Variants in MRRF observed in about 807,000 individuals in gnomAD.
The protein encoded by MRRF is mitochondrial ribosome recycling factor.
Under a neutral mutation model 25.1 loss-of-function variants are expected in MRRF, and 18 were observed. The observed-to-expected ratio is 0.72, with a 90% CI of 0.50 to 1.06. The LOEUF (loss-of-function observed/expected upper bound fraction) is 1.06. Ranked by LOEUF, MRRF falls within the 50% of genes least tolerant of loss-of-function variation. MRRF has a pLI of 0.00. For synonymous variants in MRRF, 113 were observed against 112.1 expected, an observed-to-expected ratio of 1.01 and a Z score of -0.05; for missense variants, 323 against 319.3, an observed-to-expected ratio of 1.01 and a Z score of -0.09.
chr9:122,271,373 T>C (rs1832447781), intron 2 of MRRF, among the ~76,000 whole-genome samples: 1 of 152,252 alleles, frequency 6.6e-6, no homozygotes, highest in African/African-American at 2.4e-5. Context: ...CAAGCCAGAA[T>C]GCTTGTAGCA....
At chr9:122,281,316 A>G (rs1345288156) in intron 3 of MRRF, among the ~76,000 whole-genome samples, 1 of 152,206 alleles carries the variant, frequency 6.6e-6, no homozygotes, top group Admixed American at 6.5e-5. Context: ...TCATCATCCT[A>G]AAGTCAAACC....
chr9:122,285,914 T>G, intron 4 of MRRF: 1 of 1,298,516 alleles, frequency 7.7e-7, no homozygotes, highest in Non-Finnish European at 1.0e-6. Context: ...TTGCAGAATA[T>G]TGCATGGAGC....
intron 5 of MRRF, among the ~76,000 whole-genome samples, chr9:122,293,812 T>C (rs1328325797): frequency 2.0e-5 from 3 of 152,152 alleles, no homozygotes; most frequent in Non-Finnish European, 4.4e-5. Flanking sequence ...CTCTTGTTTG[T>C]ATTGCCTCCA....
At chr9:122,266,629 A>C (rs1289533395) in intron 1 of MRRF, among the ~76,000 whole-genome samples, 1 of 152,238 alleles carries the variant, frequency 6.6e-6, no homozygotes, top group Non-Finnish European at 1.5e-5. Context: ...AGAAGTGCTT[A>C]TGTTATAAGC....
At chr9:122,318,844 T>A (rs1835696310) in intron 6 of MRRF, among the ~76,000 whole-genome samples, 1 of 152,200 alleles carries the variant, frequency 6.6e-6, no homozygotes, top group Admixed American at 6.5e-5. Context: ...TCTTCATCCA[T>A]AAAGTGGGAG....
At chr9:122,287,944 T>C (rs1833513364) in intron 4 of MRRF, among the ~76,000 whole-genome samples, 1 of 152,250 alleles carries the variant, frequency 6.6e-6, no homozygotes, top group South Asian at 2.1e-4. Context: ...AGCTTTAAAA[T>C]GCTGAGCTAA....
In MRRF at chr9:122,323,372, G is replaced by A. The variant is rs1387394685; in HGVS notation, c.*755G>A. On this transcript the variant is annotated 3_prime_UTR_variant, in exon 7 of 7. Coordinates refer to ENST00000344641, the MANE Select transcript of MRRF (RefSeq NM_138777.5). ...TATTCTTGTTGCACTTAATTAGCCT[G>A]TATATCCTCAGAACTTTGTGTAATG... 1.3e-5 allele frequency: 2 copies of A among 152,750 alleles called. No homozygotes were observed. The highest frequency in any genetic ancestry group is 3.4e-3 in the Middle Eastern group (1 of 294). 9.5% of individuals were successfully genotyped at this position (152,750 alleles called of 1,614,324 possible).
At chr9:122,300,929 A>T (rs1013550246) in intron 5 of MRRF, among the ~76,000 whole-genome samples, 1 of 152,206 alleles carries the variant, frequency 6.6e-6, no homozygotes, top group Non-Finnish European at 1.5e-5. Flanking sequence ...TGGCATGAGA[A>T]TTTCTTTACG....
At chr9:122,281,286 A>C (rs1833079564) in intron 3 of MRRF, among the ~76,000 whole-genome samples, 1 of 152,198 alleles carries the variant, frequency 6.6e-6, no homozygotes, top group African/African-American at 2.4e-5. Flanking sequence ...GTTGCTGTTA[A>C]ATTAGGCTTT....
intron 4 of MRRF, among the ~76,000 whole-genome samples, 165 bp from the exon 5 acceptor site, chr9:122,291,584 C>G (rs934177082): frequency 6.6e-6 from 1 of 152,130 alleles, no homozygotes; most frequent in African/African-American, 2.4e-5. Context: ...GTTTGCTATT[C>G]AGCTTGATCA....
chr9:122,293,148 T>C (rs1413756751), intron 5 of MRRF, among the ~76,000 whole-genome samples: 1 of 152,108 alleles, frequency 6.6e-6, no homozygotes, highest in African/African-American at 2.4e-5. Flanking sequence ...GGGGCTTTTA[T>C]TATGGATAGG....
chr9:122,300,107 G>A (rs1034687134), intron 5 of MRRF, among the ~76,000 whole-genome samples: 1 of 152,220 alleles, frequency 6.6e-6, no homozygotes, highest in Non-Finnish European at 1.5e-5. Flanking sequence ...ACACTGCAGT[G>A]CAGCCAGGCT....
chr9:122,310,192 A>G (rs1016797293), intron 5 of MRRF, among the ~76,000 whole-genome samples: 1 of 152,210 alleles, frequency 6.6e-6, no homozygotes, highest in Non-Finnish European at 1.5e-5. Context: ...AATAACTTGC[A>G]TAGGGTCACT....
At chr9:122,283,186 C>T (rs773039929) in intron 3 of MRRF, among the ~76,000 whole-genome samples, 4 of 151,466 alleles carry the variant, frequency 2.6e-5, no homozygotes, top group East Asian at 1.9e-4. Flanking sequence ...CTCCTTCTCC[C>T]GGGTTCAAGC....
chr9:122,286,387 C>G (rs771424709), intron 4 of MRRF, among the ~76,000 whole-genome samples: 49 of 152,298 alleles, frequency 3.2e-4, no homozygotes, highest in Middle Eastern at 6.8e-3. Flanking sequence ...ATTCTCCATA[C>G]TATAACCAGA....
chr9:122,289,339 A>G (rs569587116), intron 4 of MRRF, among the ~76,000 whole-genome samples: 13 of 152,314 alleles, frequency 8.5e-5, no homozygotes, highest in African/African-American at 2.4e-4. Flanking sequence ...CTGGCACTCT[A>G]ACTTGTACTG....
Position 122,304,707 on chromosome 9 carries a change from C to T in MRRF, c.552-8520C>T, listed in dbSNP as rs746515635. ...CTTCTTTCTCCTTACTGCTCTTGGA[C>T]GTGTTGGGGAGTAGCATGAATTATA... is the stretch of plus-strand genomic sequence containing the variant. On this transcript the variant is annotated intron_variant, in intron 5 of 6. Transcript: ENST00000344641. Among the ~76,000 whole-genome samples the T allele has an allele frequency of 5.9e-5, 9 of 152,220 alleles. No homozygotes were observed. In the South Asian group the frequency reaches 6.2e-4, roughly 11 times the overall value.
chr9:122,297,975 A>T (rs955759375), intron 5 of MRRF, among the ~76,000 whole-genome samples: 1 of 152,182 alleles, frequency 6.6e-6, no homozygotes, highest in Non-Finnish European at 1.5e-5. Context: ...TACTGAGTGC[A>T]TACTGTATTC....
chr9:122,280,311 T>C, intron 2 of MRRF, 132 bp from the exon 3 acceptor site: 1 of 966,742 alleles, frequency 1.0e-6, no homozygotes, highest in Non-Finnish European at 1.6e-6. Flanking sequence ...TCTTTTTTAG[T>C]GGAGCGATAA....
Sources: allele counts gnomAD v4.1 joint callset (sites outside exome capture counted in the v4.1 genomes callset), GRCh38; gene constraint gnomAD v4.1.1; transcripts MANE v1.5; gene names NCBI Gene and HGNC (gene_info 2026-07-23, HGNC 2026-07-21).